The following AASDH variants were observed in gnomAD, a reference collection of about 807,000 sequenced individuals.
AASDH encodes beta-alanine-activating enzyme.
Under a neutral mutation model 102.3 loss-of-function variants are expected in AASDH, and 81 were observed. That is an observed-to-expected ratio of 0.79 (90% CI 0.66 to 0.95). The LOEUF (loss-of-function observed/expected upper bound fraction) is 0.95, where lower values mean the gene tolerates loss of function less well. Among genes scored for constraint, AASDH ranks in the 40% least tolerant of loss-of-function variants. The pLI is 0.00. For synonymous variants in AASDH, 398 were observed against 454.0 expected (o/e 0.88, Z 1.57); for missense variants, 1,203 against 1,266.2 (o/e 0.95, Z 0.76).
intron 4 of AASDH, among the ~76,000 whole-genome samples, chr4:56,372,227 G>A (rs551596186): frequency 6.6e-6 from 1 of 152,146 alleles, no homozygotes; most frequent in Non-Finnish European, 1.5e-5. Context: ...TTTCACCTGG[G>A]ACAGTCTCAT....
chr4:56,380,940 T>A (rs1752882434), intron 3 of AASDH, among the ~76,000 whole-genome samples: 1 of 152,168 alleles, frequency 6.6e-6, no homozygotes, highest in South Asian at 2.1e-4. Flanking sequence ...ATACATACAG[T>A]AGATGCTTAA....
intron 4 of AASDH, among the ~76,000 whole-genome samples, chr4:56,373,938 G>T (rs1752039751): frequency 6.6e-6 from 1 of 152,152 alleles, no homozygotes; most frequent in Non-Finnish European, 1.5e-5. Flanking sequence ...AAAGTGGAAT[G>T]CAACAAACAT....
At chr4:56,342,596 TA>T (rs1231207262) in intron 14 of AASDH, among the ~76,000 whole-genome samples, 4 of 152,044 alleles carry the variant, frequency 2.6e-5, no homozygotes, top group African/African-American at 9.7e-5. Context: ...ATGTCTTCTT[TA>T]AAAAATTAAG....
chr4:56,379,477 A>G (rs1225207926), intron 3 of AASDH, among the ~76,000 whole-genome samples: 2 of 152,064 alleles, frequency 1.3e-5, no homozygotes, highest in South Asian at 2.1e-4. Flanking sequence ...CTGGATACAG[A>G]GGGCCAACTG....
At chr4:56,377,121 CT>C (rs1259156180) in intron 4 of AASDH, among the ~76,000 whole-genome samples, 9 of 151,266 alleles carry the variant, frequency 5.9e-5, no homozygotes, top group African/African-American at 2.2e-4. Context: ...TCACTTGATT[CT>C]TTTTTCTTCC....
intron 5 of AASDH, among the ~76,000 whole-genome samples, chr4:56,365,365 G>A (rs144719750): frequency 0.01 from 1,510 of 150,422 alleles, 21 homozygotes; most frequent in East Asian, 0.069. Context: ...TGCACCAAGC[G>A]GACCTAACAG....
chr4:56,386,202 G>C (rs986539093), intron 1 of AASDH, among the ~76,000 whole-genome samples: 5 of 152,026 alleles, frequency 3.3e-5, no homozygotes, highest in Admixed American at 2.0e-4. Context: ...ACAATTTTAA[G>C]CTTTCCTCAG....
At chr4:56,348,411 T>C (rs1440445166) in intron 11 of AASDH, among the ~76,000 whole-genome samples, 1 of 152,034 alleles carries the variant, frequency 6.6e-6, no homozygotes, top group Non-Finnish European at 1.5e-5. Flanking sequence ...TGTACTACCA[T>C]GCCTAGCTAA....
rs1747958012 is a variant in AASDH, at chr4:56,343,551, T to C, written c.2775+11A>G. On this transcript the variant is annotated intron_variant, in intron 13 of 14. Transcript: ENST00000205214. Reference sequence around the variant, plus strand: ...AAGTAATAAAATCAATATGTATTATTTTATGCCTACAGGATTTACAGCCAG... The same window carrying C: ...AAGTAATAAAATCAATATGTATTATCTTATGCCTACAGGATTTACAGCCAG... The C allele has an allele frequency of 6.3e-7, 1 of 1,591,968 alleles. No individual in the cohort carries two copies. Among genetic ancestry groups the C allele is most frequent in the Non-Finnish European group, 8.5e-7 (1 of 1,170,640 alleles).
At chr4:56,376,010 A>C (rs1283058460) in intron 4 of AASDH, among the ~76,000 whole-genome samples, 2 of 140,848 alleles carry the variant, frequency 1.4e-5, no homozygotes, top group African/African-American at 2.6e-5. Flanking sequence ...CAGCCTCTAA[A>C]CCGCTCATCT....
intron 14 of AASDH, among the ~76,000 whole-genome samples, chr4:56,339,748 C>CAAAAA (rs3036859): frequency 3.1e-4 from 40 of 127,952 alleles, no homozygotes; most frequent in East Asian, 2.8e-3. Flanking sequence ...GACCTTGTTT[C>CAAAAA]AAAAAAAAAA....
At chr4:56,355,593 G>GTT (rs149149581) in intron 5 of AASDH, among the ~76,000 whole-genome samples, 170 bp from the exon 6 acceptor site, 156 of 91,824 alleles carry the variant, frequency 1.7e-3, no homozygotes, top group East Asian at 0.011. Context: ...TTATCTTCTT[G>GTT]TTTTTTTTTT....
chr4:56,351,806 C>T (rs750896448), intron 9 of AASDH, among the ~76,000 whole-genome samples: 6 of 150,942 alleles, frequency 4.0e-5, no homozygotes, highest in South Asian at 2.1e-4. Context: ...TCTAGCTACT[C>T]GGGAGGCTTA....
rs543518568 is a variant in AASDH, at chr4:56,363,365, G to A, written c.862-7942C>T. ...TTAAATGTCCCTGTCTGACAGCTTT[G>A]AAGAGAGTAGTGGTTCTCCCAGCAT... On this transcript the variant is annotated intron_variant, in intron 5 of 14. Transcript: ENST00000205214. Among the ~76,000 whole-genome samples, 8 of 152,364 alleles carry A rather than the reference G, an allele frequency of 5.3e-5. No homozygotes were observed. The South Asian group carries it at 1.4e-3, about 28-fold the overall frequency.
At position 56,338,704 on chromosome 4, in the gene AASDH, A is replaced by AATC; in HGVS notation, c.2992_2994dup (p.Asp998dup). The stretch of plus-strand genomic sequence containing the variant: ...TTCATGTTACAACAGTAGATAAAGC[A>AATC]ATCATGGGAACCAAAAAATATTTTT... On this transcript the variant is annotated inframe_insertion, in exon 15 of 15. Transcript: ENST00000205214. 6.2e-7 allele frequency: 1 copy of AATC among 1,614,178 alleles called. No individual in the cohort carries two copies. The highest frequency in any genetic ancestry group is 8.5e-7 in the Non-Finnish European group (1 of 1,180,022).
intron 10 of AASDH, among the ~76,000 whole-genome samples, chr4:56,350,610 G>C (rs2109878654): frequency 6.6e-6 from 1 of 151,970 alleles, no homozygotes; most frequent in South Asian, 2.1e-4. Flanking sequence ...CTTCCCTTTA[G>C]AGCAGTTTTC....
At chr4:56,341,775 G>A (rs949515707) in intron 14 of AASDH, among the ~76,000 whole-genome samples, 5 of 151,942 alleles carry the variant, frequency 3.3e-5, no homozygotes, top group Admixed American at 1.3e-4. Flanking sequence ...ACTCATATGT[G>A]AGAGCTAAAA....
chr4:56,387,277 G>GT (rs988085789), intron 1 of AASDH, 85 bp downstream of exon 1: 5 of 152,320 alleles, frequency 3.3e-5, no homozygotes, highest in Admixed American at 6.5e-5. Context: ...CTGAGCAAAT[G>GT]TATGTGGAAG....
rs1413679391 is a variant in AASDH, at chr4:56,367,639, T to A, written c.861+3812A>T. Among the ~76,000 whole-genome samples, 4 of 119,340 alleles carry A rather than the reference T, an allele frequency of 3.4e-5. No individual in the cohort carries two copies. The East Asian group carries it at 9.0e-4, about 27-fold the overall frequency. 78.3% of individuals were successfully genotyped at this position (119,340 alleles called of 152,430 possible). A position where few individuals can be genotyped will look rare whatever the true frequency, so the allele number is the denominator to read the frequency against. ...GGGAAAGGATTCCCTATTTAATAAA[T>A]GGTGCTGGGAAGACTGGCTAGCCAT... is the stretch of plus-strand genomic sequence containing the variant. On this transcript the variant is annotated intron_variant, in intron 5 of 14. Coordinates refer to ENST00000205214, the MANE Select transcript of AASDH (RefSeq NM_181806.4).
Sources: gnomAD v4.1 joint callset for allele counts (sites outside exome capture counted in the v4.1 genomes callset) on GRCh38, gnomAD v4.1.1 for gene constraint, MANE v1.5 for transcripts, NCBI Gene and HGNC (gene_info 2026-07-23, HGNC 2026-07-21) for gene names.